USP7: variants seen among roughly 807,000 people sequenced by gnomAD.
USP7 encodes ubiquitin specific peptidase 7.
Under a neutral mutation model 162.9 loss-of-function variants are expected in USP7, and 9 were observed. The observed-to-expected ratio is 0.06, with a 90% CI of 0.03 to 0.10. USP7 has a LOEUF of 0.10. Ranked by LOEUF, USP7 falls within the 10% of genes least tolerant of loss-of-function variation. USP7 has a pLI of 1.00. For missense variants in USP7, 715 were observed against 1,373.7 expected (o/e 0.52, Z 7.58); for synonymous variants, 562 against 475.9 (o/e 1.18, Z -2.35).
intron 1 of USP7, among the ~76,000 whole-genome samples, chr16:8,941,071 C>T (rs59532847): frequency 2.6e-5 from 4 of 152,190 alleles, no homozygotes; most frequent in African/African-American, 9.7e-5. Flanking sequence ...TAGGTGCTGG[C>T]CAGGCCACAC....
At chr16:8,920,556 T>A (rs1445111266) in intron 4 of USP7, 109 bp from the exon 5 acceptor site, 1 of 886,450 alleles carries the variant, frequency 1.1e-6, no homozygotes, top group Non-Finnish European at 1.7e-6. Context: ...AATACTTTTT[T>A]TTTAAATACA....
intron 10 of USP7, among the ~76,000 whole-genome samples, chr16:8,911,328 T>C (rs1343806479): frequency 6.6e-6 from 1 of 151,984 alleles, no homozygotes; most frequent in Non-Finnish European, 1.5e-5. Flanking sequence ...AAAGGCAAAA[T>C]AGTAAAACGT....
intron 25 of USP7, 22 bp from the exon 26 acceptor site, chr16:8,897,121 T>A: frequency 6.3e-7 from 1 of 1,576,806 alleles, no homozygotes; most frequent in South Asian, 1.1e-5. Context: ...AAAGATAAAA[T>A]AAGTGCTTTC....
intron 2 of USP7, among the ~76,000 whole-genome samples, chr16:8,924,298 GACCA>G (rs1897872815): frequency 6.6e-6 from 1 of 152,202 alleles, no homozygotes; most frequent in South Asian, 2.1e-4. Flanking sequence ...ATCTGTTATT[GACCA>G]ATACTTTTAT....
intron 1 of USP7, among the ~76,000 whole-genome samples, chr16:8,940,023 G>C (rs1004162801): frequency 3.3e-5 from 5 of 152,106 alleles, no homozygotes; most frequent in African/African-American, 1.2e-4. Flanking sequence ...GCTTGAACCA[G>C]GGAGGCGAAG....
At position 8,895,603 on chromosome 16, in the gene USP7, T is replaced by C. The variant is rs770706913; in HGVS notation, c.2919+39A>G. On this transcript the variant is annotated intron_variant, in intron 27 of 30. Coordinates refer to ENST00000344836, the MANE Select transcript of USP7 (RefSeq NM_003470.3). ...TTAAATATGCAGCAGATGGGGCTCA[T>C]GAATTCTCTCTGGTGCCAACAGTAT... 3.3e-6 allele frequency: 5 copies of C among 1,526,668 alleles called. No homozygotes were observed. The Admixed American group carries it at 8.8e-5, about 27-fold the overall frequency. The allele number at this position is 1,526,668 out of a possible 1,614,324, so 94.6% of individuals were successfully genotyped here.
chr16:8,924,367 G>A (rs1222129702), intron 2 of USP7, among the ~76,000 whole-genome samples: 1 of 152,210 alleles, frequency 6.6e-6, no homozygotes, highest in African/African-American at 2.4e-5. Context: ...GCTTCTAAAC[G>A]CTTCCTTTCA....
chr16:8,901,095 T>G (rs746161415), intron 19 of USP7, 38 bp from the exon 20 acceptor site: 2 of 1,613,470 alleles, frequency 1.2e-6, no homozygotes, highest in African/African-American at 2.7e-5. Context: ...GTAGCTGTAA[T>G]GTACTGAGCA....
chr16:8,913,355 CAAAAAGAGGA>C (rs1401405590), intron 10 of USP7, among the ~76,000 whole-genome samples: 1 of 151,776 alleles, frequency 6.6e-6, no homozygotes, highest in African/African-American at 2.4e-5. Flanking sequence ...GACTCCCTCT[CAAAAAGAGGA>C]GAGAAGAGGG....
At chr16:8,894,905 G>A (rs754514003) in intron 28 of USP7, 50 bp from the exon 29 acceptor site, 9 of 1,613,836 alleles carry the variant, frequency 5.6e-6, no homozygotes, top group South Asian at 1.1e-5. Context: ...AGCACCCCCA[G>A]GCCACGTCAC....
chr16:8,947,579 C>G (rs1596410437), intron 1 of USP7, among the ~76,000 whole-genome samples: 1 of 152,302 alleles, frequency 6.6e-6, no homozygotes, highest in East Asian at 1.9e-4. Flanking sequence ...AACTTCCGGC[C>G]TCAAGTGATC....
chr16:8,953,216 C>A (rs889317479), intron 1 of USP7, among the ~76,000 whole-genome samples: 5 of 152,148 alleles, frequency 3.3e-5, no homozygotes, highest in African/African-American at 1.2e-4. Context: ...GTAAGCCAGT[C>A]CTGTCTCTCC....
Position 8,963,359 on chromosome 16 carries a change from C to A in USP7, c.-74G>T. 4.0e-6 allele frequency: 2 copies of A among 496,322 alleles called. No individual in the cohort carries two copies. The highest frequency in any genetic ancestry group is 5.2e-6 in the Non-Finnish European group (2 of 387,958). 30.7% of individuals were successfully genotyped at this position (496,322 alleles called of 1,614,324 possible). Reference sequence around the variant, plus strand: ...GCCCGGCGGGCGGGCGGCGGCGAGCCGGGGCGGCGGCGGCGGCGGCGGCGG... The same window carrying A: ...GCCCGGCGGGCGGGCGGCGGCGAGCAGGGGCGGCGGCGGCGGCGGCGGCGG... On this transcript the variant is annotated 5_prime_UTR_variant, in exon 1 of 31. Coordinates refer to ENST00000344836, the MANE Select transcript of USP7 (RefSeq NM_003470.3).
In USP7 at chr16:8,941,703, C is replaced by G. The variant is rs185249950; in HGVS notation, c.80-11306G>C. 4.3e-3 allele frequency among the ~76,000 whole-genome samples: 655 copies of G among 152,244 alleles called. 6 individuals carry two copies. Among genetic ancestry groups the G allele is most frequent in the African/African-American group, 0.015 (606 of 41,538 alleles). On this transcript the variant is annotated intron_variant, in intron 1 of 30. Transcript: ENST00000344836. ...GTTGGTGTGGTGAGGAGTGAGGGGA[C>G]GGGCAGAGCCAGGATCAGCTGTGTT... is the stretch of plus-strand genomic sequence containing the variant.
intron 14 of USP7, 87 bp from the exon 15 acceptor site, chr16:8,904,652 TA>T: frequency 1.3e-6 from 2 of 1,551,346 alleles, no homozygotes; most frequent in South Asian, 1.2e-5. Flanking sequence ...ATTAATAAAA[TA>T]ATCTATTAGG....
At chr16:8,899,065 T>A in intron 23 of USP7, 56 bp downstream of exon 23, 8 of 1,547,830 alleles carry the variant, frequency 5.2e-6, no homozygotes, top group Non-Finnish European at 7.1e-6. Flanking sequence ...GATGTTTCAA[T>A]GAACTGTGGA....
At chr16:8,916,315 T>A (rs1326366370) in intron 8 of USP7, among the ~76,000 whole-genome samples, 187 bp downstream of exon 8, 1 of 152,200 alleles carries the variant, frequency 6.6e-6, no homozygotes, top group African/African-American at 2.4e-5. Context: ...CACCTTCAAA[T>A]CCCTATTCAA....
intron 2 of USP7, chr16:8,929,648 G>A: frequency 4.4e-6 from 2 of 452,752 alleles, no homozygotes; most frequent in Non-Finnish European, 8.9e-6. Context: ...GCAATTACTG[G>A]CTGCTCCCTA....
intron 27 of USP7, among the ~76,000 whole-genome samples, 174 bp from the exon 28 acceptor site, chr16:8,895,324 G>T (rs544310704): frequency 1.3e-5 from 2 of 152,308 alleles, no homozygotes; most frequent in African/African-American, 2.4e-5. Flanking sequence ...TCAGCCAGAA[G>T]ATATCCAAGT....
Sources: gnomAD v4.1 joint callset for allele counts (sites outside exome capture counted in the v4.1 genomes callset) on GRCh38, gnomAD v4.1.1 for gene constraint, MANE v1.5 for transcripts, NCBI Gene and HGNC (gene_info 2026-07-23, HGNC 2026-07-21) for gene names.